Variants in NTRK2 observed in about 807,000 individuals in gnomAD.
The protein encoded by NTRK2 is neurotrophic receptor tyrosine kinase 2.
A neutral mutation model predicts 94.5 loss-of-function variants in NTRK2; 13 were observed. That is an observed-to-expected ratio of 0.14 (90% confidence interval 0.09 to 0.22). The LOEUF is 0.22. Ranked by LOEUF, NTRK2 falls within the 10% of genes least tolerant of loss-of-function variation. The pLI is 1.00. For synonymous variants in NTRK2, 372 were observed against 407.4 expected (o/e 0.91, Z 1.05); for missense variants, 639 against 1,071.2 (o/e 0.60, Z 5.63).
At chr9:84,822,645 C>T (rs1214696179) in intron 12 of NTRK2, among the ~76,000 whole-genome samples, 1 of 152,166 alleles carries the variant, frequency 6.6e-6, no homozygotes. Flanking sequence ...GTCAAGCACC[C>T]TCGACTGCCG....
chr9:85,021,354 A>G lies in NTRK2; in HGVS notation c.2434A>G (p.Met812Val), dbSNP rs750902920. ...GGGGTGCTGGCAGCGAGAGCCCCAC[A>G]TGAGGAAGAACATCAAGGGCATCCA... Reference protein sequence around the residue: ...MLGCWQREPHMRKNIKGIHTL... With the variant: ...MLGCWQREPHVRKNIKGIHTL... Residue 812 changes from methionine (M) to valine (V), a missense_variant, in exon 19 of 19, where the codon ATG becomes GTG. By Grantham distance (21) the Met-to-Val change is conservative. Around this residue, in one of 5 missense-constraint regions of NTRK2, gnomAD observed 77 missense variants for 203.6 expected, o/e 0.38. Transcript: ENST00000277120. 3 of 1,614,158 alleles carry G rather than the reference A, an allele frequency of 1.9e-6. No homozygotes were observed. The highest frequency in any genetic ancestry group is 1.7e-6 in the Non-Finnish European group (2 of 1,180,016).
chr9:84,873,982 C>A (rs946970610), intron 14 of NTRK2: 1 of 1,063,514 alleles, frequency 9.4e-7, no homozygotes, highest in African/African-American at 1.6e-5. Flanking sequence ...CTGCACATAT[C>A]AGACATTTCA....
chr9:84,845,782 G>A (rs1327204810), intron 12 of NTRK2, among the ~76,000 whole-genome samples: 9 of 152,136 alleles, frequency 5.9e-5, no homozygotes, highest in Admixed American at 5.9e-4. Flanking sequence ...TGTCAATTGA[G>A]AAGTGGGTGA....
At chr9:84,864,933 G>T (rs1333664479) in intron 13 of NTRK2, among the ~76,000 whole-genome samples, 1 of 151,632 alleles carries the variant, frequency 6.6e-6, no homozygotes, top group Non-Finnish European at 1.5e-5. Context: ...TTGAGACAGG[G>T]TTTCACCATG....
intron 14 of NTRK2, among the ~76,000 whole-genome samples, chr9:84,930,615 G>A (rs556994763): frequency 1.2e-4 from 19 of 152,302 alleles, no homozygotes; most frequent in African/African-American, 4.6e-4. Flanking sequence ...GGAGGTAAAG[G>A]GATGTTTAAG....
At chr9:84,813,552 T>C in intron 12 of NTRK2, 1 of 1,065,370 alleles carries the variant, frequency 9.4e-7, no homozygotes, top group Non-Finnish European at 1.1e-6. Context: ...GCTAAGAAAC[T>C]GAGTTTAACA....
At chr9:85,012,912 C>T (rs557095879) in intron 17 of NTRK2, among the ~76,000 whole-genome samples, 11 of 152,264 alleles carry the variant, frequency 7.2e-5, no homozygotes, top group African/African-American at 2.6e-4. Flanking sequence ...GCATTAAGGT[C>T]CAGCACATCT....
chr9:84,789,349 T>C (rs1444153720), intron 12 of NTRK2, among the ~76,000 whole-genome samples: 2 of 152,168 alleles, frequency 1.3e-5, no homozygotes, highest in East Asian at 1.9e-4. Flanking sequence ...ATTAATTGTA[T>C]CTGCTCCAGA....
At chr9:84,671,450 A>G (rs1010664446) in intron 2 of NTRK2, among the ~76,000 whole-genome samples, 2 of 152,156 alleles carry the variant, frequency 1.3e-5, no homozygotes, top group African/African-American at 2.4e-5. Flanking sequence ...AAGTTAACCA[A>G]TTTCCCTTTT....
intron 12 of NTRK2, among the ~76,000 whole-genome samples, chr9:84,771,294 A>C (rs1318046574): frequency 6.6e-6 from 1 of 152,204 alleles, no homozygotes; most frequent in African/African-American, 2.4e-5. Context: ...TCCTGTGACT[A>C]TAGTGTACCA....
At chr9:84,961,668 G>A (rs1251463947) in intron 17 of NTRK2, among the ~76,000 whole-genome samples, 4 of 152,242 alleles carry the variant, frequency 2.6e-5, no homozygotes, top group African/African-American at 7.2e-5. Context: ...AGATGCAATG[G>A]TAGATGCAAA....
chr9:84,929,230 A>G (rs1368213258), intron 14 of NTRK2, among the ~76,000 whole-genome samples: 1 of 152,222 alleles, frequency 6.6e-6, no homozygotes, highest in Non-Finnish European at 1.5e-5. Context: ...GCTGCTGAAG[A>G]CACATTGCGA....
At chr9:84,796,825 G>T (rs1301616330) in intron 12 of NTRK2, among the ~76,000 whole-genome samples, 10 of 152,026 alleles carry the variant, frequency 6.6e-5, no homozygotes, top group African/African-American at 2.4e-4. Flanking sequence ...CATTTTCAAA[G>T]GAATCTCATG....
intron 2 of NTRK2, among the ~76,000 whole-genome samples, chr9:84,688,447 C>G (rs2059851030): frequency 1.3e-5 from 2 of 152,082 alleles, no homozygotes; most frequent in Admixed American, 6.5e-5. Flanking sequence ...AGTGCCCCAC[C>G]CTCTCTTCAG....
chr9:84,865,274 TTGTTTGCAGAA>T (rs1411008120), intron 13 of NTRK2, among the ~76,000 whole-genome samples: 2 of 152,272 alleles, frequency 1.3e-5, no homozygotes, highest in Admixed American at 6.5e-5. Flanking sequence ...GTGTGAGGAC[TTGTTTGCAGAA>T]TTGAGCCGGA....
At chr9:84,799,346 C>G (rs572840042) in intron 12 of NTRK2, among the ~76,000 whole-genome samples, 22 of 152,136 alleles carry the variant, frequency 1.4e-4, no homozygotes, top group African/African-American at 4.6e-4. Context: ...AGGTTGGAAA[C>G]TGGGTCATTT....
chr9:85,014,381 G>T (rs1451025244), intron 17 of NTRK2, among the ~76,000 whole-genome samples: 1 of 152,172 alleles, frequency 6.6e-6, no homozygotes, highest in Admixed American at 6.5e-5. Flanking sequence ...GTTAACGTGT[G>T]CCAAGGATAG....
intron 9 of NTRK2, among the ~76,000 whole-genome samples, chr9:84,730,782 G>GAAAAAAAAA (rs1564145193): frequency 4.2e-4 from 2 of 4,764 alleles, no homozygotes; most frequent in Non-Finnish European, 7.2e-4. Context: ...TAAACAAATA[G>GAAAAAAAAA]CAAAAAAAAA....
intron 9 of NTRK2, among the ~76,000 whole-genome samples, chr9:84,736,531 T>C (rs1180485063): frequency 6.6e-6 from 1 of 152,218 alleles, no homozygotes; most frequent in East Asian, 1.9e-4. Flanking sequence ...CCTGGCTTTA[T>C]ACTATTTGTT....
Sources: gnomAD v4.1 joint callset for allele counts (sites outside exome capture counted in the v4.1 genomes callset) on GRCh38, gnomAD v4.1.1 for gene constraint, gnomAD v4.1.1 regional missense constraint, MANE v1.5 for transcripts, NCBI Gene and HGNC (gene_info 2026-07-23, HGNC 2026-07-21) for gene names.